STX8: variants seen among roughly 807,000 people sequenced by gnomAD.
The protein encoded by STX8 is syntaxin-8.
In STX8, 23 loss-of-function variants were observed where a neutral mutation model predicts 37.5. The ratio of observed to expected loss-of-function variants is 0.61; its 90% CI spans 0.44 to 0.87. STX8 has a LOEUF of 0.87. Ranked by LOEUF, STX8 falls within the 40% of genes least tolerant of loss-of-function variation. The probability of loss-of-function intolerance (pLI) is 0.00; values close to 1 mark genes in which losing one functional copy is unlikely to be tolerated. For synonymous variants in STX8, 115 were observed against 99.1 expected (o/e 1.16, Z -0.95); for missense variants, 313 against 284.7 (o/e 1.10, Z -0.71).
intron 6 of STX8, among the ~76,000 whole-genome samples, chr17:9,475,275 T>C (rs1358395517): frequency 1.3e-5 from 2 of 152,198 alleles, no homozygotes; most frequent in African/African-American, 4.8e-5. Flanking sequence ...GGGACTGTAT[T>C]GACCAATAAA....
intron 7 of STX8, among the ~76,000 whole-genome samples, chr17:9,268,284 C>CA (rs112954356): frequency 0.02 from 1,358 of 69,132 alleles, 10 homozygotes; most frequent in Middle Eastern, 0.066. Flanking sequence ...GGAGTAAGAA[C>CA]AAAAAAAAAA....
chr17:9,345,999 ACG>A (rs1910523217), intron 7 of STX8, among the ~76,000 whole-genome samples: 2 of 151,246 alleles, frequency 1.3e-5, no homozygotes, highest in Admixed American at 6.6e-5. Context: ...TTACAGGCAC[ACG>A]CCACCACACC....
intron 7 of STX8, among the ~76,000 whole-genome samples, chr17:9,256,179 G>C (rs1343434886): frequency 1.3e-5 from 2 of 152,224 alleles, no homozygotes; most frequent in African/African-American, 4.8e-5. Context: ...CCTACCTAAG[G>C]CCCTCTGGCG....
At chr17:9,431,427 TTTGTTG>T (rs147664582) in intron 6 of STX8, among the ~76,000 whole-genome samples, 159 of 148,716 alleles carry the variant, frequency 1.1e-3, no homozygotes, top group African/African-American at 3.2e-3. Context: ...TAGCAGGGTT[TTTGTTG>T]TTGTTGTTGT....
intron 6 of STX8, among the ~76,000 whole-genome samples, chr17:9,389,032 A>C (rs1912115628): frequency 6.6e-6 from 1 of 152,246 alleles, no homozygotes; most frequent in Admixed American, 6.5e-5. Flanking sequence ...GAGTCTATAA[A>C]TTCTTTCCTC....
In STX8 at chr17:9,447,986, G is replaced by A. The variant is rs574968589; in HGVS notation, c.541+43843C>T. Among the ~76,000 whole-genome samples the A allele has an allele frequency of 6.6e-5, 10 of 151,824 alleles. No individual in the cohort carries two copies. In the East Asian group the frequency reaches 1.8e-3, roughly 27 times the overall value. On this transcript the variant is annotated intron_variant, in intron 6 of 7. Transcript: ENST00000306357. Reference sequence around the variant, plus strand: ...GAGGTCAGGAGTTCAAGACCAGCTTGGCCAGCATCATCAAACTGTCTCTAC... The same window carrying A: ...GAGGTCAGGAGTTCAAGACCAGCTTAGCCAGCATCATCAAACTGTCTCTAC...
chr17:9,449,452 C>A (rs986724263), intron 6 of STX8, among the ~76,000 whole-genome samples: 1 of 152,238 alleles, frequency 6.6e-6, no homozygotes, highest in East Asian at 1.9e-4. Context: ...CCCAGCTACT[C>A]GGGCGGCTGA....
intron 6 of STX8, among the ~76,000 whole-genome samples, chr17:9,451,678 T>C (rs1259699049): frequency 1.3e-5 from 2 of 152,044 alleles, no homozygotes; most frequent in Admixed American, 1.3e-4. Context: ...TAAAGAAAAA[T>C]AGAAAAATAC....
At chr17:9,402,928 G>C (rs1490454057) in intron 6 of STX8, among the ~76,000 whole-genome samples, 1 of 152,170 alleles carries the variant, frequency 6.6e-6, no homozygotes, top group Non-Finnish European at 1.5e-5. Flanking sequence ...TCCCAACTGT[G>C]AGCTCATAGC....
chr17:9,525,738 T>C (rs1445836152), intron 4 of STX8, among the ~76,000 whole-genome samples: 1 of 152,162 alleles, frequency 6.6e-6, no homozygotes, highest in African/African-American at 2.4e-5. Context: ...TGGTCCAGAG[T>C]TGTTTTGTGC....
intron 6 of STX8, among the ~76,000 whole-genome samples, chr17:9,395,417 C>T (rs1034636446): frequency 3.3e-5 from 5 of 151,908 alleles, no homozygotes; most frequent in Non-Finnish European, 5.9e-5. Flanking sequence ...ACCAGACTGG[C>T]CACCATGGTA....
At chr17:9,447,555 T>A (rs560017107) in intron 6 of STX8, among the ~76,000 whole-genome samples, 55 of 152,254 alleles carry the variant, frequency 3.6e-4, no homozygotes, top group African/African-American at 1.3e-3. Flanking sequence ...CCCCAGTAGC[T>A]GGGATTACAG....
At position 9,362,222 on chromosome 17, in the gene STX8, C is replaced by T. The variant is rs186623651; in HGVS notation, c.643+16330G>A. On this transcript the variant is annotated intron_variant, in intron 7 of 7. Coordinates refer to ENST00000306357, the MANE Select transcript of STX8 (RefSeq NM_004853.3). ...GCCCATGCCTGTAATCCCAGCTTCT[C>T]AGGAGGCTGAAGCATAAGAATCGCT... Among the ~76,000 whole-genome samples the T allele has an allele frequency of 2.4e-4, 36 of 152,198 alleles. No individual in the cohort carries two copies. The East Asian group carries it at 5.8e-3, about 25-fold the overall frequency.
intron 4 of STX8, among the ~76,000 whole-genome samples, chr17:9,523,559 T>A (rs914971544): frequency 6.6e-6 from 1 of 152,148 alleles, no homozygotes; most frequent in Non-Finnish European, 1.5e-5. Context: ...CAAACACAGT[T>A]ATGATAAATC....
intron 6 of STX8, among the ~76,000 whole-genome samples, chr17:9,474,560 A>G (rs2142443747): frequency 6.6e-6 from 1 of 152,320 alleles, no homozygotes; most frequent in East Asian, 1.9e-4. Context: ...GACATTACCC[A>G]GAGTTAGCAT....
intron 6 of STX8, among the ~76,000 whole-genome samples, chr17:9,446,391 T>C (rs919417215): frequency 6.6e-6 from 1 of 152,220 alleles, no homozygotes; most frequent in African/African-American, 2.4e-5. Flanking sequence ...AAAATTATTT[T>C]AATGAAGAAA....
chr17:9,357,089 TC>T (rs991587294), intron 7 of STX8, among the ~76,000 whole-genome samples: 3 of 146,616 alleles, frequency 2.0e-5, no homozygotes, highest in Non-Finnish European at 4.5e-5. Flanking sequence ...TGCCTCAGCC[TC>T]CTGAGTAGCT....
At chr17:9,491,308 G>A (rs1321062213) in intron 6 of STX8, among the ~76,000 whole-genome samples, 1 of 151,194 alleles carries the variant, frequency 6.6e-6, no homozygotes, top group Admixed American at 6.6e-5. Flanking sequence ...CTCAAGCCAA[G>A]AGCCTTGCAG....
At chr17:9,303,222 C>T (rs533933039) in intron 7 of STX8, among the ~76,000 whole-genome samples, 15 of 152,034 alleles carry the variant, frequency 9.9e-5, no homozygotes, top group Non-Finnish European at 1.6e-4. Context: ...ACCCAGGAGG[C>T]GGAGGTTGCA....
Sources: allele counts gnomAD v4.1 joint callset (sites outside exome capture counted in the v4.1 genomes callset), GRCh38; gene constraint gnomAD v4.1.1; transcripts MANE v1.5; gene names NCBI Gene and HGNC (gene_info 2026-07-23, HGNC 2026-07-21).